Variants in NHS observed in about 807,000 individuals in gnomAD.
The protein encoded by NHS is NHS actin remodeling regulator, also known as actin remodeling regulator NHS.
In NHS, 5 loss-of-function variants were observed where a neutral mutation model predicts 72.5. The observed-to-expected ratio is 0.07, with a 90% CI of 0.04 to 0.14. The LOEUF (loss-of-function observed/expected upper bound fraction) is 0.14. Among genes scored for constraint, NHS ranks in the 10% least tolerant of loss-of-function variants. NHS has a pLI of 1.00. For missense variants in NHS, 1,072 were observed against 1,355.7 expected (o/e 0.79, Z 3.29); for synonymous variants, 464 against 547.7 (o/e 0.85, Z 2.13).
At chrX:17,396,832 CA>C (rs1221314320) in intron 1 of NHS, among the ~76,000 whole-genome samples, 24 of 111,357 alleles carry the variant, frequency 2.2e-4, no homozygotes, top group African/African-American at 7.2e-4. Context: ...TTTACATATT[CA>C]AACTCAAAAG....
chrX:17,397,292 C>T (rs191501186), intron 1 of NHS, among the ~76,000 whole-genome samples: 10 of 112,546 alleles, frequency 8.9e-5, no homozygotes, highest in African/African-American at 3.2e-4. Flanking sequence ...TGATGAATAA[C>T]AAATTCCACA....
At chrX:17,388,555 C>T (rs939925803) in intron 1 of NHS, among the ~76,000 whole-genome samples, 2 of 109,454 alleles carry the variant, frequency 1.8e-5, no homozygotes, top group Admixed American at 9.9e-5. Flanking sequence ...TGGTGTGATC[C>T]GGGGATGGCA....
chrX:17,628,661 C>T (rs973712072), intron 1 of NHS, among the ~76,000 whole-genome samples: 6 of 113,154 alleles, frequency 5.3e-5, no homozygotes, highest in Non-Finnish European at 7.5e-5. Flanking sequence ...TCTGTACTTT[C>T]TGAGGCAGGA....
chrX:17,712,361 TAC>T lies in NHS; in HGVS notation c.853-6951_853-6950del, dbSNP rs745619023. On this transcript the variant is annotated intron_variant, in intron 3 of 8. Coordinates refer to ENST00000676302, the MANE Select transcript of NHS (RefSeq NM_001291867.2). ...TGTTTTCAAATGTAACACATTTGTA[TAC>T]ACACACACACACACACACACACACA... 7.9e-3 allele frequency among the ~76,000 whole-genome samples: 605 copies of T among 76,978 alleles called. 3 individuals are homozygous for T. Among genetic ancestry groups the T allele is most frequent in the East Asian group, 0.03 (74 of 2,474 alleles). The allele number at this position is 76,978 out of a possible 115,157, so 66.8% of individuals were successfully genotyped here.
rs754861059 is a variant in NHS, at chrX:17,732,995, CAACT to C, written c.*532_*535del. 4 of 122,448 alleles carry C rather than the reference CAACT, an allele frequency of 3.3e-5. No individual in the cohort carries two copies. The highest frequency in any genetic ancestry group is 5.5e-4 in the South Asian group (2 of 3,624). 10.1% of individuals were successfully genotyped at this position (122,448 alleles called of 1,213,427 possible). The stretch of plus-strand genomic sequence containing the variant: ...ATGTGGTCAATTATCTACTGCACAC[CAACT>C]GTTTATAGAATACACAAAAATAAAA... On this transcript the variant is annotated 3_prime_UTR_variant, in exon 9 of 9. Transcript: ENST00000676302.
intron 1 of NHS, among the ~76,000 whole-genome samples, chrX:17,589,391 A>C (rs747308400): frequency 2.7e-5 from 3 of 111,718 alleles, no homozygotes; most frequent in African/African-American, 9.8e-5. Context: ...CTTAGCTCCC[A>C]CTTATAAGTA....
intron 1 of NHS, among the ~76,000 whole-genome samples, chrX:17,379,545 C>T (rs1233969892): frequency 1.3e-4 from 14 of 111,900 alleles, no homozygotes; most frequent in Non-Finnish European, 1.7e-4. Context: ...GAGGCCGAGG[C>T]GGGCAGATCG....
At chrX:17,603,381 G>C (rs2065662343) in intron 1 of NHS, among the ~76,000 whole-genome samples, 1 of 112,471 alleles carries the variant, frequency 8.9e-6, no homozygotes, top group Non-Finnish European at 1.9e-5. Context: ...TTTCTGAAGA[G>C]TGAATTCAAG....
chrX:17,623,652 G>C (rs966239299), intron 1 of NHS, among the ~76,000 whole-genome samples: 3 of 111,753 alleles, frequency 2.7e-5, no homozygotes, highest in African/African-American at 9.8e-5. Context: ...AGGAACCTAG[G>C]GTATTGGAAG....
intron 1 of NHS, among the ~76,000 whole-genome samples, chrX:17,432,764 G>A (rs767559793): frequency 5.5e-5 from 6 of 109,164 alleles, no homozygotes; most frequent in African/African-American, 1.0e-4. Flanking sequence ...TTAATTAACC[G>A]AACACAAACA....
At chrX:17,401,033 G>A (rs956184107) in intron 1 of NHS, among the ~76,000 whole-genome samples, 11 of 112,171 alleles carry the variant, frequency 9.8e-5, no homozygotes, top group African/African-American at 3.2e-4. Flanking sequence ...GCTGGTGTAA[G>A]GATGCAGATA....
intron 1 of NHS, among the ~76,000 whole-genome samples, chrX:17,383,411 C>G (rs1436363056): frequency 8.9e-6 from 1 of 111,848 alleles, no homozygotes; most frequent in African/African-American, 3.3e-5. Flanking sequence ...AGTCTGTTCT[C>G]TCACTGCTAT....
intron 3 of NHS, among the ~76,000 whole-genome samples, chrX:17,714,167 T>A (rs1396543769): frequency 9.1e-6 from 1 of 109,725 alleles, no homozygotes; most frequent in Non-Finnish European, 1.9e-5. Context: ...TTTTTTTGTA[T>A]TTTTCTTCAA....
chrX:17,606,979 T>A (rs1262246999), intron 1 of NHS, among the ~76,000 whole-genome samples: 2 of 112,335 alleles, frequency 1.8e-5, no homozygotes, highest in Non-Finnish European at 3.8e-5. Context: ...GTTTTAAACG[T>A]GAGGCACATG....
chrX:17,578,598 T>C (rs2065523897), intron 1 of NHS, among the ~76,000 whole-genome samples: 1 of 111,926 alleles, frequency 8.9e-6, no homozygotes, highest in Non-Finnish European at 1.9e-5. Flanking sequence ...TACTCAAGAG[T>C]GTAAACAGTA....
intron 1 of NHS, among the ~76,000 whole-genome samples, chrX:17,385,234 G>C (rs1447446863): frequency 8.9e-6 from 1 of 112,066 alleles, no homozygotes; most frequent in African/African-American, 3.2e-5. Flanking sequence ...GTAATCTGAG[G>C]ACCTGGGCAT....
At chrX:17,458,813 C>T (rs1163384353) in intron 1 of NHS, among the ~76,000 whole-genome samples, 1 of 112,084 alleles carries the variant, frequency 8.9e-6, no homozygotes, top group Non-Finnish European at 1.9e-5. Context: ...TTCTTTGGGT[C>T]CAGTAATTGA....
At chrX:17,524,258 T>A (rs2065163161) in intron 1 of NHS, among the ~76,000 whole-genome samples, 1 of 112,269 alleles carries the variant, frequency 8.9e-6, no homozygotes, top group African/African-American at 3.2e-5. Context: ...ATATGTGAAT[T>A]TTTTTGCTGA....
At chrX:17,584,681 G>A (rs2065564735) in intron 1 of NHS, among the ~76,000 whole-genome samples, 1 of 111,866 alleles carries the variant, frequency 8.9e-6, no homozygotes, top group African/African-American at 3.3e-5. Flanking sequence ...TATTTAAAAT[G>A]CCTCAGAAGA....
Sources: allele counts gnomAD v4.1 joint callset (sites outside exome capture counted in the v4.1 genomes callset), GRCh38; gene constraint gnomAD v4.1.1; transcripts MANE v1.5; gene names NCBI Gene and HGNC (gene_info 2026-07-23, HGNC 2026-07-21).